Variants in TRAPPC8 observed in about 807,000 individuals in gnomAD.
The protein encoded by TRAPPC8 is trafficking protein particle complex subunit 8, also known as general sporulation gene 1 homolog.
TRAPPC8 carries 54 observed loss-of-function variants against 174.3 expected under a neutral mutation model. The observed-to-expected ratio is 0.31, with a 90% CI of 0.25 to 0.39. The LOEUF (loss-of-function observed/expected upper bound fraction) is 0.39. TRAPPC8 is among the 10% of genes least tolerant of loss of function. The probability of loss-of-function intolerance (pLI) is 1.00; values close to 1 mark genes in which losing one functional copy is unlikely to be tolerated. For synonymous variants in TRAPPC8, 630 were observed against 579.9 expected, an observed-to-expected ratio of 1.09 and a Z score of -1.24; for missense variants, 1,531 against 1,699.1, an observed-to-expected ratio of 0.90 and a Z score of 1.74.
chr18:31,901,091 C>T, intron 9 of TRAPPC8, 66 bp from the exon 10 acceptor site: 1 of 1,385,286 alleles, frequency 7.2e-7, no homozygotes, highest in South Asian at 1.3e-5. Context: ...AGATGGGAAA[C>T]TAAAAGTTGG....
intron 26 of TRAPPC8, among the ~76,000 whole-genome samples, chr18:31,841,181 T>C (rs2033074966): frequency 6.6e-6 from 1 of 152,154 alleles, no homozygotes; most frequent in Non-Finnish European, 1.5e-5. Flanking sequence ...CATGGAACAT[T>C]TCTGGAATAG....
chr18:31,846,685 C>G lies in TRAPPC8; in HGVS notation c.3837+31G>C, dbSNP rs76101941. ...AACAAAAAAAAACCCACAAGTTCAC[C>G]AGAAAGCTCCAAAGCAAACTATGTT... On this transcript the variant is annotated intron_variant, in intron 26 of 28. Transcript: ENST00000283351. The G allele has an allele frequency of 2.4e-3, 3,708 of 1,515,888 alleles. 7 individuals carry two copies. Among genetic ancestry groups the G allele is most frequent in the Non-Finnish European group, 2.9e-3 (3,288 of 1,116,958 alleles). The allele number at this position is 1,515,888 out of a possible 1,614,324, so 93.9% of individuals were successfully genotyped here.
At chr18:31,921,635 A>G (rs909968876) in intron 2 of TRAPPC8, among the ~76,000 whole-genome samples, 17 of 152,102 alleles carry the variant, frequency 1.1e-4, no homozygotes, top group Admixed American at 1.1e-3. Flanking sequence ...AAAAAAAAAA[A>G]AAGTTATCTT....
At chr18:31,907,289 C>G (rs1379135121) in intron 9 of TRAPPC8, among the ~76,000 whole-genome samples, 171 bp downstream of exon 9, 2 of 152,176 alleles carry the variant, frequency 1.3e-5, no homozygotes, top group East Asian at 3.9e-4. Flanking sequence ...AGCTAATCAA[C>G]TAGTCTGAGG....
intron 12 of TRAPPC8, among the ~76,000 whole-genome samples, chr18:31,885,349 T>A (rs920596566): frequency 6.6e-6 from 1 of 152,188 alleles, no homozygotes; most frequent in Admixed American, 6.5e-5. Flanking sequence ...AATTGGACTG[T>A]AACCTTCACG....
chr18:31,873,370 G>A, intron 14 of TRAPPC8, 60 bp downstream of exon 14: 1 of 1,365,480 alleles, frequency 7.3e-7, no homozygotes, highest in Non-Finnish European at 1.0e-6. Flanking sequence ...AATGGAGAAA[G>A]GAAAAGAAGT....
intron 12 of TRAPPC8, among the ~76,000 whole-genome samples, chr18:31,877,468 G>A (rs956802708): frequency 8.6e-5 from 13 of 151,780 alleles, no homozygotes; most frequent in Admixed American, 8.5e-4. Flanking sequence ...AAACATTACC[G>A]GGGTGAGGTG....
chr18:31,873,891 G>C (rs1051716425), intron 13 of TRAPPC8: 4 of 189,462 alleles, frequency 2.1e-5, no homozygotes, highest in Non-Finnish European at 4.3e-5. Context: ...AGACCCTAAA[G>C]GTAGTTATTT....
At chr18:31,858,302 A>G (rs2034141740) in intron 19 of TRAPPC8, among the ~76,000 whole-genome samples, 1 of 152,224 alleles carries the variant, frequency 6.6e-6, no homozygotes, top group Non-Finnish European at 1.5e-5. Context: ...GTAATTTAAC[A>G]CGGCTATATG....
chr18:31,870,461 C>G lies in TRAPPC8; in HGVS notation c.2299G>C (p.Val767Leu), dbSNP rs775432025. Residue 767 changes from valine (V) to leucine (L), a missense_variant, in exon 16 of 29, where the codon GTT becomes CTT. Val to Leu is a conservative substitution (Grantham distance 32). Coordinates refer to ENST00000283351, the MANE Select transcript of TRAPPC8 (RefSeq NM_014939.5). ...VEVAFRNPLK[V>L]LLLLTDLSLL... ...GACAAATCAGTCAACAAAAGTAGAA[C>G]TTTCAAAGGGTTTCTAAAAGCCACT... The G allele has an allele frequency of 1.2e-5, 20 of 1,612,246 alleles. No homozygotes were observed. The highest frequency in any genetic ancestry group is 2.2e-5 in the South Asian group (2 of 90,808).
chr18:31,879,749 A>AT (rs1307494733), intron 12 of TRAPPC8, among the ~76,000 whole-genome samples: 1 of 152,032 alleles, frequency 6.6e-6, no homozygotes, highest in Admixed American at 6.6e-5. Context: ...AGAAGAGATG[A>AT]TTTTAATAAG....
At chr18:31,942,505 C>G (rs746892519) in intron 1 of TRAPPC8, 103 bp downstream of exon 1, 115 of 1,366,804 alleles carry the variant, frequency 8.4e-5, no homozygotes, top group Non-Finnish European at 1.1e-4. Flanking sequence ...GGTACCGGCT[C>G]CAGGACGTAA....
At chr18:31,851,520 T>G (rs889638650) in intron 24 of TRAPPC8, among the ~76,000 whole-genome samples, 28 of 152,078 alleles carry the variant, frequency 1.8e-4, no homozygotes, top group African/African-American at 6.8e-4. Flanking sequence ...GCTCTTTTTT[T>G]TTTTTTCTTT....
intron 2 of TRAPPC8, among the ~76,000 whole-genome samples, chr18:31,920,281 C>A (rs894948305): frequency 3.3e-5 from 5 of 152,088 alleles, no homozygotes; most frequent in Admixed American, 6.5e-5. Flanking sequence ...CTGAACAAAG[C>A]AGATTTTCCA....
At chr18:31,886,344 GGAAAAAAAAAAAA>G (rs1317207438) in intron 12 of TRAPPC8, among the ~76,000 whole-genome samples, 1 of 71,244 alleles carries the variant, frequency 1.4e-5, no homozygotes, top group Non-Finnish European at 2.7e-5. Context: ...TGTTTCTTGA[GGAAAAAAAAAAAA>G]AAAAAAAAAG....
intron 11 of TRAPPC8, among the ~76,000 whole-genome samples, chr18:31,893,969 T>C (rs2036079834): frequency 6.6e-6 from 1 of 152,200 alleles, no homozygotes; most frequent in African/African-American, 2.4e-5. Flanking sequence ...CCTGAGAATA[T>C]TTAATGGTTT....
At chr18:31,843,486 T>C (rs2144991914) in intron 26 of TRAPPC8, among the ~76,000 whole-genome samples, 1 of 151,372 alleles carries the variant, frequency 6.6e-6, no homozygotes, top group South Asian at 2.1e-4. Context: ...AGAACAAAAA[T>C]TAAAAGACAT....
Position 31,857,563 on chromosome 18 carries a change from A to C in TRAPPC8, c.3165T>G (p.Ser1055Arg). 1 of 1,596,254 alleles carries C rather than the reference A, an allele frequency of 6.3e-7. No individual in the cohort carries two copies. The highest frequency in any genetic ancestry group is 8.5e-7 in the Non-Finnish European group (1 of 1,172,708). Residue 1055 changes from serine to arginine, a missense_variant, in exon 20 of 29, where the codon AGT becomes AGG. Coordinates refer to ENST00000283351, the MANE Select transcript of TRAPPC8 (RefSeq NM_014939.5). Reference protein sequence around the residue: ...HEINFLFYYESVKKQPKIRHR... With the variant: ...HEINFLFYYERVKKQPKIRHR... Reference sequence around the variant, plus strand: ...ACCGTATTTTTGGCTGCTTTTTGACACTTTCATAGTAAAACAAAAAGTTAA... The same window carrying C: ...ACCGTATTTTTGGCTGCTTTTTGACCCTTTCATAGTAAAACAAAAAGTTAA...
At chr18:31,838,019 G>A (rs922270204) in intron 27 of TRAPPC8, among the ~76,000 whole-genome samples, 1 of 147,554 alleles carries the variant, frequency 6.8e-6, no homozygotes, top group South Asian at 2.2e-4. Flanking sequence ...GCCCAGGCTA[G>A]AGTGCAATGG....
Sources: gnomAD v4.1 joint callset for allele counts (sites outside exome capture counted in the v4.1 genomes callset) on GRCh38, gnomAD v4.1.1 for gene constraint, MANE v1.5 for transcripts, NCBI Gene and HGNC (gene_info 2026-07-23, HGNC 2026-07-21) for gene names.